The following MAPK10 variants were observed in gnomAD, a reference collection of about 807,000 sequenced individuals.
MAPK10 encodes JNK3 alpha protein kinase.
MAPK10 carries 25 observed loss-of-function variants against 59.3 expected under a neutral mutation model. That is an observed-to-expected ratio of 0.42 (90% CI 0.31 to 0.59). The LOEUF (loss-of-function observed/expected upper bound fraction) is 0.59, where lower values mean the gene tolerates loss of function less well. Ranked by LOEUF, MAPK10 falls within the 20% of genes least tolerant of loss-of-function variation. The pLI is 0.15. For synonymous variants in MAPK10, 190 were observed against 200.5 expected (o/e 0.95, Z 0.44); for missense variants, 351 against 568.9 (o/e 0.62, Z 3.90).
At chr4:86,122,119 T>TA (rs960459455) in intron 4 of MAPK10, among the ~76,000 whole-genome samples, 12 of 151,954 alleles carry the variant, frequency 7.9e-5, no homozygotes, top group South Asian at 2.1e-4. Context: ...GATTAGAAAA[T>TA]AAAAAAAGTC....
At chr4:86,171,544 A>G (rs917143444) in intron 3 of MAPK10, among the ~76,000 whole-genome samples, 8 of 152,160 alleles carry the variant, frequency 5.3e-5, no homozygotes, top group Non-Finnish European at 4.4e-5. Context: ...CGGAAACTGG[A>G]TCCCTCCATT....
intron 2 of MAPK10, among the ~76,000 whole-genome samples, chr4:86,296,010 T>A (rs1204314665): frequency 6.6e-6 from 1 of 150,896 alleles, no homozygotes; most frequent in East Asian, 1.9e-4. Context: ...ACCCTGTCTT[T>A]ACTGAAAATA....
chr4:86,119,907 A>T (rs1003685657), intron 4 of MAPK10: 1 of 152,146 alleles, frequency 6.6e-6, no homozygotes, highest in Non-Finnish European at 1.5e-5. Flanking sequence ...CCTCTTCAGA[A>T]CTCCCAATAG....
chr4:86,177,249 C>T (rs1303991491), intron 3 of MAPK10, among the ~76,000 whole-genome samples: 1 of 151,926 alleles, frequency 6.6e-6, no homozygotes, highest in African/African-American at 2.4e-5. Context: ...TTCAGGCAGT[C>T]CTCCCAAAAA....
intron 4 of MAPK10, among the ~76,000 whole-genome samples, chr4:86,111,787 G>C (rs989959470): frequency 6.6e-5 from 10 of 152,268 alleles, no homozygotes; most frequent in African/African-American, 2.2e-4. Context: ...GTTTGGACTA[G>C]TTTCAGAAGA....
chr4:86,486,423 C>A (rs1157676038), intron 1 of MAPK10, among the ~76,000 whole-genome samples: 7 of 152,142 alleles, frequency 4.6e-5, no homozygotes, highest in Non-Finnish European at 1.0e-4. Flanking sequence ...ATGATTTTGA[C>A]AATATACCCA....
intron 1 of MAPK10, among the ~76,000 whole-genome samples, chr4:86,496,291 T>TA (rs1448831726): frequency 6.6e-6 from 1 of 152,204 alleles, no homozygotes; most frequent in Non-Finnish European, 1.5e-5. Flanking sequence ...CAGCTACCAC[T>TA]AGAGGGAGGC....
intron 13 of MAPK10, chr4:86,027,338 T>G (rs1357128917): frequency 1.3e-5 from 2 of 152,178 alleles, no homozygotes; most frequent in African/African-American, 2.4e-5. Flanking sequence ...CTCACTCAGG[T>G]AGAGCCTAAG....
intron 9 of MAPK10, among the ~76,000 whole-genome samples, chr4:86,070,348 C>A (rs1361049552): frequency 1.5e-5 from 2 of 136,510 alleles, no homozygotes; most frequent in Admixed American, 7.2e-5. Context: ...ATTTTTCTTT[C>A]TTTTTTTTTT....
chr4:86,554,264 A>C (rs1053441671), intron 1 of MAPK10, among the ~76,000 whole-genome samples: 1 of 152,090 alleles, frequency 6.6e-6, no homozygotes, highest in Non-Finnish European at 1.5e-5. Flanking sequence ...TTTTAGATAT[A>C]TTATTTCATT....
intron 1 of MAPK10, among the ~76,000 whole-genome samples, chr4:86,587,272 T>C (rs1156704160): frequency 6.6e-6 from 1 of 152,238 alleles, no homozygotes; most frequent in Admixed American, 6.5e-5. Flanking sequence ...TCCCAGTGTT[T>C]AGTTATCTCT....
At chr4:86,464,807 G>A (rs1046867583) in intron 1 of MAPK10, among the ~76,000 whole-genome samples, 6 of 147,656 alleles carry the variant, frequency 4.1e-5, no homozygotes, top group Non-Finnish European at 7.5e-5. Flanking sequence ...GCAACAGAGC[G>A]AGACTCTGTC....
chr4:86,267,409 C>T (rs1353674614), intron 2 of MAPK10, among the ~76,000 whole-genome samples: 1 of 152,170 alleles, frequency 6.6e-6, no homozygotes, highest in African/African-American at 2.4e-5. Flanking sequence ...ACTCTGCCCC[C>T]TCAAGTACAA....
At chr4:86,323,003 C>T (rs920390732) in intron 2 of MAPK10, among the ~76,000 whole-genome samples, 9 of 152,106 alleles carry the variant, frequency 5.9e-5, no homozygotes, top group African/African-American at 2.2e-4. Flanking sequence ...AGTGAAACCC[C>T]ATCTCTATTA....
At chr4:86,498,167 T>C (rs2149078000) in intron 1 of MAPK10, among the ~76,000 whole-genome samples, 1 of 152,340 alleles carries the variant, frequency 6.6e-6, no homozygotes, top group South Asian at 2.1e-4. Flanking sequence ...ATTTCATCCC[T>C]TCGACTCTCA....
chr4:86,329,421 A>T (rs1296635624), intron 2 of MAPK10, among the ~76,000 whole-genome samples: 1 of 152,176 alleles, frequency 6.6e-6, no homozygotes, highest in Non-Finnish European at 1.5e-5. Flanking sequence ...TTAAAACTAC[A>T]TTTAATCTAG....
intron 2 of MAPK10, among the ~76,000 whole-genome samples, chr4:86,321,427 T>C (rs1248536966): frequency 6.6e-5 from 10 of 152,096 alleles, no homozygotes; most frequent in South Asian, 6.2e-4. Context: ...GAGTTCATGT[T>C]CTTTGTAGGG....
chr4:86,372,544 GAAAGAAAGAAAGAAAGAAAGAAA>G (rs1564748846), intron 1 of MAPK10, among the ~76,000 whole-genome samples: 1 of 76,214 alleles, frequency 1.3e-5, no homozygotes, highest in East Asian at 4.1e-4. Flanking sequence ...AAGAAAGAAA[GAAAGAAAGAAAGAAAGAAAGAAA>G]GAAAAGAAAA....
intron 1 of MAPK10, among the ~76,000 whole-genome samples, chr4:86,551,014 G>C (rs1759732740): frequency 6.6e-6 from 1 of 152,212 alleles, no homozygotes; most frequent in South Asian, 2.1e-4. Context: ...CAAGGAGACA[G>C]ATAAGTAAAA....
Sources: gnomAD v4.1 joint callset for allele counts (sites outside exome capture counted in the v4.1 genomes callset) on GRCh38, gnomAD v4.1.1 for gene constraint, MANE v1.5 for transcripts, NCBI Gene and HGNC (gene_info 2026-07-23, HGNC 2026-07-21) for gene names.